The following CAPN8 variants were observed in gnomAD, a reference collection of about 807,000 sequenced individuals.
The protein encoded by CAPN8 is calpain-8.
In CAPN8, 87 loss-of-function variants were observed where a neutral mutation model predicts 80.9. The ratio of observed to expected loss-of-function variants is 1.07; its 90% CI spans 0.90 to 1.28. CAPN8 has a LOEUF of 1.28. CAPN8 is among the 50% of genes most tolerant of loss of function. CAPN8 has a pLI of 0.00. For synonymous variants in CAPN8, 299 were observed against 273.8 expected (o/e 1.09, Z -0.91); for missense variants, 757 against 702.0 (o/e 1.08, Z -0.89).
intron 13 of CAPN8, among the ~76,000 whole-genome samples, chr1:223,557,369 C>G (rs1367244884): frequency 6.6e-6 from 1 of 152,226 alleles, no homozygotes; most frequent in Non-Finnish European, 1.5e-5. Flanking sequence ...CATCTGCAGC[C>G]AGAGACACGT....
intron 3 of CAPN8, 149 bp from the exon 4 acceptor site, chr1:223,628,291 A>C (rs763503906): frequency 4.2e-6 from 4 of 952,410 alleles, no homozygotes; most frequent in Non-Finnish European, 6.0e-6. Context: ...TTATCTGTGC[A>C]CATAGGAGAT....
At chr1:223,544,262 A>G (rs528116177) in intron 18 of CAPN8, 79 bp from the exon 19 acceptor site, 1 of 687,540 alleles carries the variant, frequency 1.5e-6, no homozygotes, top group East Asian at 2.7e-5. Context: ...AGGAGCTGAC[A>G]TCCCAGGGGC....
chr1:223,643,056 G>T (rs1188640979), intron 2 of CAPN8, among the ~76,000 whole-genome samples: 2 of 152,218 alleles, frequency 1.3e-5, no homozygotes, highest in African/African-American at 4.8e-5. Context: ...AGGGAAAGCG[G>T]CTTGCTTACT....
chr1:223,628,827 G>A, intron 2 of CAPN8, 47 bp from the exon 3 acceptor site: 13 of 1,456,478 alleles, frequency 8.9e-6, no homozygotes, highest in Non-Finnish European at 1.2e-5. Context: ...CCAGCCTGCA[G>A]GGGCCCTGCT....
chr1:223,553,937 T>C, intron 13 of CAPN8, 37 bp from the exon 14 acceptor site: 1 of 398,638 alleles, frequency 2.5e-6, no homozygotes, highest in Non-Finnish European at 4.4e-6. Context: ...AAAATGGGAA[T>C]CGTCAAGGAG....
chr1:223,632,135 G>A (rs1309016574), intron 2 of CAPN8, among the ~76,000 whole-genome samples: 1 of 152,240 alleles, frequency 6.6e-6, no homozygotes, highest in Non-Finnish European at 1.5e-5. Flanking sequence ...GCTCTTGCAA[G>A]CAAGCACAGA....
chr1:223,664,462 T>A, intron 1 of CAPN8, among the ~76,000 whole-genome samples: 1 of 152,206 alleles, frequency 6.6e-6, no homozygotes, highest in East Asian at 1.9e-4. Context: ...CTGAGATTTA[T>A]CTCTAATTCT....
chr1:223,546,069 T>A (rs1005467163), intron 16 of CAPN8, among the ~76,000 whole-genome samples: 1 of 149,828 alleles, frequency 6.7e-6, no homozygotes, highest in Non-Finnish European at 1.5e-5. Flanking sequence ...TGACCTCAAA[T>A]GATCTGCCTG....
intron 2 of CAPN8, among the ~76,000 whole-genome samples, chr1:223,637,776 C>T (rs1413705315): frequency 6.6e-6 from 1 of 152,162 alleles, no homozygotes; most frequent in Non-Finnish European, 1.5e-5. Flanking sequence ...GAGAAGGCTA[C>T]AAACTTAGTA....
At position 223,620,185 on chromosome 1, in the gene CAPN8, C is replaced by A. The variant is rs1441067903; in HGVS notation, c.974+7G>T. The A allele has an allele frequency of 1.3e-6, 2 of 1,551,534 alleles. No homozygotes were observed. Among genetic ancestry groups the A allele is most frequent in the Admixed American group, 2.0e-5 (1 of 51,006 alleles). On this transcript the variant is annotated splice_region_variant and intron_variant, in intron 8 of 20. Coordinates refer to ENST00000366872, the MANE Select transcript of CAPN8 (RefSeq NM_001143962.2). ...TGGGACAGCGCTTCAGCAGAAAACT[C>A]TCTCACCAGAATTCTCCATCCTCAA... is the stretch of plus-strand genomic sequence containing the variant.
intron 2 of CAPN8, among the ~76,000 whole-genome samples, chr1:223,634,450 G>C (rs1190395063): frequency 1.3e-5 from 2 of 152,166 alleles, no homozygotes; most frequent in Admixed American, 1.3e-4. Context: ...ACATTGTTTG[G>C]CCTTCCTTAT....
At chr1:223,643,054 C>T (rs1047259647) in intron 2 of CAPN8, among the ~76,000 whole-genome samples, 11 of 152,188 alleles carry the variant, frequency 7.2e-5, no homozygotes, top group African/African-American at 1.9e-4. Context: ...CAAGGGAAAG[C>T]GGCTTGCTTA....
chr1:223,628,714 A>G lies in CAPN8; in HGVS notation c.374T>C (p.Val125Ala). The G allele has an allele frequency of 6.4e-7, 1 of 1,551,912 alleles. No homozygotes were observed. Among genetic ancestry groups the G allele is most frequent in the Non-Finnish European group, 8.7e-7 (1 of 1,147,122 alleles). ...TLNEELLYRV[V>A]PRDQDFQENY... ...CTCCTGGAAGTCCTGGTCCCTGGGG[A>G]CCACCCGGTAAAGCAGCTCTTCATT... The change falls in exon 3 of 21, where the codon GTC (valine) becomes GCC (alanine). Residue 125 changes from valine to alanine, a missense_variant. By Grantham distance (64) the Val-to-Ala change is moderately conservative (BLOSUM62 0). Transcript: ENST00000366872.
chr1:223,550,258 G>A (rs1656747489), intron 15 of CAPN8, among the ~76,000 whole-genome samples: 1 of 152,208 alleles, frequency 6.6e-6, no homozygotes, highest in African/African-American at 2.4e-5. Context: ...CATCTGCTCA[G>A]CCCTGGGTTC....
At chr1:223,614,126 C>A (rs1166863259) in intron 10 of CAPN8, among the ~76,000 whole-genome samples, 1 of 152,154 alleles carries the variant, frequency 6.6e-6, no homozygotes, top group Non-Finnish European at 1.5e-5. Flanking sequence ...TGGCTGAGTG[C>A]AGTGGCTCAC....
chr1:223,625,439 A>AT (rs1441038662), intron 6 of CAPN8, among the ~76,000 whole-genome samples: 6 of 151,858 alleles, frequency 4.0e-5, no homozygotes, highest in Non-Finnish European at 5.9e-5. Flanking sequence ...ACCTTCTTTT[A>AT]TTTTTTTTGT....
At chr1:223,645,196 A>C (rs1194783365) in intron 2 of CAPN8, among the ~76,000 whole-genome samples, 1 of 152,192 alleles carries the variant, frequency 6.6e-6, no homozygotes, top group Non-Finnish European at 1.5e-5. Context: ...CGCAGAAGAA[A>C]GATGAAGGCC....
intron 10 of CAPN8, 92 bp downstream of exon 10, chr1:223,615,878 G>A (rs958594938): frequency 5.5e-6 from 8 of 1,459,548 alleles, no homozygotes; most frequent in Admixed American, 2.0e-5. Flanking sequence ...GAATACTCCA[G>A]CAATAGGAAA....
intron 6 of CAPN8, among the ~76,000 whole-genome samples, chr1:223,624,581 G>T (rs1657507643): frequency 6.6e-6 from 1 of 152,074 alleles, no homozygotes; most frequent in African/African-American, 2.4e-5. Flanking sequence ...AGGCATGATG[G>T]CACTTGCCTG....
Sources: gnomAD v4.1 joint callset for allele counts (sites outside exome capture counted in the v4.1 genomes callset) on GRCh38, gnomAD v4.1.1 for gene constraint, MANE v1.5 for transcripts, NCBI Gene and HGNC (gene_info 2026-07-23, HGNC 2026-07-21) for gene names.